Variants in GULP1 observed in about 807,000 individuals in gnomAD.
GULP1 encodes PTB domain-containing engulfment adapter protein 1.
GULP1 carries 19 observed loss-of-function variants against 40.9 expected under a neutral mutation model. The ratio of observed to expected loss-of-function variants is 0.46; its 90% CI spans 0.32 to 0.68. The LOEUF (loss-of-function observed/expected upper bound fraction) is 0.68, where lower values mean the gene tolerates loss of function less well. GULP1 is among the 30% of genes least tolerant of loss of function. The pLI, the probability that GULP1 is intolerant of heterozygous loss-of-function variation, is 0.03. For synonymous variants in GULP1, 119 were observed against 117.6 expected (o/e 1.01, Z -0.08); for missense variants, 312 against 362.2 (o/e 0.86, Z 1.12).
In GULP1 at chr2:188,519,547, T is replaced by TA. The variant is rs569133608; in HGVS notation, c.91-3208dup. 4.6e-5 allele frequency among the ~76,000 whole-genome samples: 7 copies of TA among 152,334 alleles called. No homozygotes were observed. In the South Asian group the frequency reaches 1.4e-3, roughly 32 times the overall value. Reference sequence around the variant, plus strand: ...CTAGACCATCCACTAATCGCAGTGATATGATAAATTCAGAGAAGTTGAGAA... The same window carrying TA: ...CTAGACCATCCACTAATCGCAGTGATAATGATAAATTCAGAGAAGTTGAGAA... On this transcript the variant is annotated intron_variant, in intron 4 of 11. Transcript: ENST00000409830.
chr2:188,571,257 T>C (rs1698974612), intron 9 of GULP1, among the ~76,000 whole-genome samples: 1 of 152,230 alleles, frequency 6.6e-6, no homozygotes, highest in Admixed American at 6.5e-5. Context: ...ATACGTAGGA[T>C]AAACTCAATG....
At chr2:188,450,679 A>T (rs987964867) in intron 2 of GULP1, among the ~76,000 whole-genome samples, 4 of 152,114 alleles carry the variant, frequency 2.6e-5, no homozygotes, top group Middle Eastern at 3.2e-3. Flanking sequence ...ATACAATATT[A>T]AAAAAAGAAT....
chr2:188,316,640 G>A (rs1477032267), intron 1 of GULP1, among the ~76,000 whole-genome samples: 3 of 151,964 alleles, frequency 2.0e-5, no homozygotes, highest in African/African-American at 7.2e-5. Context: ...CATCTTCCTG[G>A]GAAGCCTACC....
At chr2:188,312,367 A>T (rs759352670) in intron 1 of GULP1, among the ~76,000 whole-genome samples, 2 of 152,058 alleles carry the variant, frequency 1.3e-5, no homozygotes, top group Non-Finnish European at 2.9e-5. Context: ...TCCATTGTTC[A>T]ACTCCCACTT....
chr2:188,335,456 C>T (rs558621397), intron 1 of GULP1, among the ~76,000 whole-genome samples: 59 of 152,298 alleles, frequency 3.9e-4, no homozygotes, highest in African/African-American at 1.3e-3. Context: ...CTTCACCCTA[C>T]AGCTAGGTTT....
At chr2:188,402,322 A>C (rs2052418876) in intron 2 of GULP1, among the ~76,000 whole-genome samples, 1 of 152,106 alleles carries the variant, frequency 6.6e-6, no homozygotes, top group Non-Finnish European at 1.5e-5. Flanking sequence ...CTCCTCAATA[A>C]AATTATTTAC....
At chr2:188,358,778 A>T (rs1013201679) in intron 1 of GULP1, among the ~76,000 whole-genome samples, 1 of 152,282 alleles carries the variant, frequency 6.6e-6, no homozygotes, top group East Asian at 1.9e-4. Flanking sequence ...AAATAAAAAT[A>T]AGCTTGCTTC....
chr2:188,513,323 G>A (rs988949449), intron 4 of GULP1, among the ~76,000 whole-genome samples: 3 of 151,910 alleles, frequency 2.0e-5, no homozygotes, highest in African/African-American at 7.3e-5. Flanking sequence ...TTTCCCATCT[G>A]TGTTTTATAT....
intron 3 of GULP1, among the ~76,000 whole-genome samples, chr2:188,480,531 T>A (rs2061364530): frequency 6.6e-6 from 1 of 151,970 alleles, no homozygotes; most frequent in Non-Finnish European, 1.5e-5. Context: ...TCTTTGCAGA[T>A]GCTCTAATGG....
chr2:188,568,253 A>G (rs960906550), intron 7 of GULP1, among the ~76,000 whole-genome samples: 11 of 152,290 alleles, frequency 7.2e-5, no homozygotes, highest in Non-Finnish European at 1.5e-4. Flanking sequence ...AAAGCATAGC[A>G]TTTTCAATAT....
At chr2:188,550,775 CA>C (rs1178905699) in intron 7 of GULP1, among the ~76,000 whole-genome samples, 1 of 151,418 alleles carries the variant, frequency 6.6e-6, no homozygotes, top group Non-Finnish European at 1.5e-5. Flanking sequence ...ATTTTTGAAT[CA>C]CATTTATCAA....
intron 2 of GULP1, among the ~76,000 whole-genome samples, chr2:188,462,398 C>T (rs2059781237): frequency 6.6e-6 from 1 of 152,146 alleles, no homozygotes; most frequent in Non-Finnish European, 1.5e-5. Context: ...GTGTATTCTG[C>T]AGCAATTTGA....
chr2:188,527,584 A>C (rs1686497983), intron 5 of GULP1, among the ~76,000 whole-genome samples: 1 of 152,186 alleles, frequency 6.6e-6, no homozygotes, highest in Non-Finnish European at 1.5e-5. Context: ...AAAAAAGAAA[A>C]TTATCTGGCA....
chr2:188,493,070 T>G (rs2062561931), intron 4 of GULP1, among the ~76,000 whole-genome samples: 1 of 152,120 alleles, frequency 6.6e-6, no homozygotes, highest in Admixed American at 6.6e-5. Flanking sequence ...TGAAATGCAT[T>G]CAGATAACCA....
chr2:188,437,016 C>G (rs1384555766), intron 2 of GULP1, among the ~76,000 whole-genome samples: 1 of 152,078 alleles, frequency 6.6e-6, no homozygotes, highest in Non-Finnish European at 1.5e-5. Context: ...GTTCTATCTT[C>G]TTTTATTAGC....
intron 2 of GULP1, among the ~76,000 whole-genome samples, chr2:188,475,367 AT>A (rs1559284379): frequency 1.3e-5 from 2 of 148,470 alleles, no homozygotes; most frequent in African/African-American, 2.4e-5. Context: ...GTTTGCTCCA[AT>A]GAACTTTATA....
intron 2 of GULP1, among the ~76,000 whole-genome samples, chr2:188,446,328 T>C (rs560961242): frequency 6.6e-6 from 1 of 152,256 alleles, no homozygotes; most frequent in South Asian, 2.1e-4. Flanking sequence ...TTCTGGGATA[T>C]TTACCAACCC....
intron 7 of GULP1, among the ~76,000 whole-genome samples, chr2:188,544,035 A>G (rs972718820): frequency 1.3e-5 from 2 of 152,124 alleles, no homozygotes; most frequent in African/African-American, 4.8e-5. Flanking sequence ...GAATGACAAC[A>G]TTTAACCCTG....
chr2:188,525,150 T>C (rs1685843487), intron 5 of GULP1, among the ~76,000 whole-genome samples: 1 of 152,038 alleles, frequency 6.6e-6, no homozygotes, highest in Non-Finnish European at 1.5e-5. Flanking sequence ...TTTTTATAAG[T>C]ATTAACCTTT....
Sources: allele counts gnomAD v4.1 joint callset (sites outside exome capture counted in the v4.1 genomes callset), GRCh38; gene constraint gnomAD v4.1.1; transcripts MANE v1.5; gene names NCBI Gene and HGNC (gene_info 2026-07-23, HGNC 2026-07-21).